Variants in MACROD2 observed in about 807,000 individuals in gnomAD.
MACROD2 encodes mono-ADP ribosylhydrolase 2, also known as ADP-ribose glycohydrolase MACROD2.
MACROD2 carries 36 observed loss-of-function variants against 70.4 expected under a neutral mutation model. That is an observed-to-expected ratio of 0.51 (90% CI 0.39 to 0.68). The LOEUF is 0.68. Ranked by LOEUF, MACROD2 falls within the 30% of genes least tolerant of loss-of-function variation. The probability of loss-of-function intolerance (pLI) is 0.00; values close to 1 mark genes in which losing one functional copy is unlikely to be tolerated. For missense variants in MACROD2, 496 were observed against 538.4 expected (o/e 0.92, Z 0.78); for synonymous variants, 172 against 178.8 (o/e 0.96, Z 0.30).
intron 4 of MACROD2, among the ~76,000 whole-genome samples, chr20:14,663,446 A>G (rs551960440): frequency 2.0e-5 from 3 of 152,000 alleles, no homozygotes; most frequent in Admixed American, 6.6e-5. Context: ...GTTTACCTAT[A>G]TAACAAACCT....
At position 15,412,943 on chromosome 20, in the gene MACROD2, G is replaced by T. The variant is rs1255482525; in HGVS notation, c.541-18462G>T. ...AATGTGCCCAAAGATGGTCATATCTGCATTGCTAATAATTTTCCAAAAATA... is the reference window on the plus strand; with the variant it reads ...AATGTGCCCAAAGATGGTCATATCTTCATTGCTAATAATTTTCCAAAAATA... On this transcript the variant is annotated intron_variant, in intron 6 of 17. Coordinates refer to ENST00000684519, the MANE Select transcript of MACROD2 (RefSeq NM_001351661.2). 5.9e-5 allele frequency among the ~76,000 whole-genome samples: 9 copies of T among 152,264 alleles called. No individual in the cohort carries two copies. The East Asian group carries it at 1.4e-3, about 23-fold the overall frequency.
Position 14,907,154 on chromosome 20 carries a change from C to T in MACROD2, c.418+222195C>T, listed in dbSNP as rs188512161. ...TGGAAGTTACCACTCTTTTGCATGGCAATAACCTGACAACCCAGAAGTTAC... is the reference window on the plus strand; with the variant it reads ...TGGAAGTTACCACTCTTTTGCATGGTAATAACCTGACAACCCAGAAGTTAC... On this transcript the variant is annotated intron_variant, in intron 5 of 17. Coordinates refer to ENST00000684519, the MANE Select transcript of MACROD2 (RefSeq NM_001351661.2). 1.0e-3 allele frequency among the ~76,000 whole-genome samples: 158 copies of T among 152,336 alleles called. 2 individuals carry two copies. Among genetic ancestry groups the T allele is most frequent in the African/African-American group, 3.5e-3 (144 of 41,586 alleles).
intron 5 of MACROD2, among the ~76,000 whole-genome samples, chr20:14,816,932 G>T (rs558952843): frequency 1.5e-3 from 223 of 151,930 alleles, no homozygotes; most frequent in African/African-American, 5.1e-3. Flanking sequence ...ACATAGAATC[G>T]AAATAAAACT....
At chr20:14,250,920 T>C (rs2082007345) in intron 3 of MACROD2, among the ~76,000 whole-genome samples, 1 of 152,162 alleles carries the variant, frequency 6.6e-6, no homozygotes, top group Non-Finnish European at 1.5e-5. Context: ...TTTTTTGTTA[T>C]GGTTCCTCAT....
At chr20:15,190,963 A>G (rs370913666) in intron 5 of MACROD2, among the ~76,000 whole-genome samples, 4 of 152,142 alleles carry the variant, frequency 2.6e-5, no homozygotes, top group African/African-American at 4.8e-5. Flanking sequence ...CTCATTTGCT[A>G]TCTCTAAGAA....
intron 5 of MACROD2, among the ~76,000 whole-genome samples, chr20:15,145,787 T>TA (rs2076225922): frequency 2.0e-5 from 3 of 152,086 alleles, no homozygotes; most frequent in African/African-American, 7.2e-5. Context: ...TTTTAATGTT[T>TA]AAAAATTTTA....
chr20:15,195,868 G>T (rs1477745856), intron 5 of MACROD2, among the ~76,000 whole-genome samples: 2 of 152,002 alleles, frequency 1.3e-5, no homozygotes, highest in Non-Finnish European at 2.9e-5. Context: ...AAGAAAATGT[G>T]GTACATATAC....
chr20:15,066,514 A>G (rs192121326), intron 5 of MACROD2, among the ~76,000 whole-genome samples: 31 of 152,274 alleles, frequency 2.0e-4, no homozygotes, highest in African/African-American at 7.0e-4. Context: ...AAATCAAGTC[A>G]TACGACAAAA....
At chr20:15,331,667 C>G (rs1282786577) in intron 6 of MACROD2, among the ~76,000 whole-genome samples, 1 of 151,648 alleles carries the variant, frequency 6.6e-6, no homozygotes, top group East Asian at 1.9e-4. Flanking sequence ...TCTTCCCAAC[C>G]AGACTTTCTT....
chr20:15,834,363 T>C (rs1372244264), intron 8 of MACROD2, among the ~76,000 whole-genome samples: 1 of 152,026 alleles, frequency 6.6e-6, no homozygotes, highest in African/African-American at 2.4e-5. Flanking sequence ...CAAAATAAAA[T>C]AAAATAACAC....
chr20:14,600,343 T>A (rs6110352), intron 4 of MACROD2, among the ~76,000 whole-genome samples: 1 of 130,200 alleles, frequency 7.7e-6, no homozygotes, highest in Non-Finnish European at 1.6e-5. Context: ...TATATATATA[T>A]ACACACACAC....
At chr20:14,448,605 A>G (rs2084210102) in intron 3 of MACROD2, among the ~76,000 whole-genome samples, 1 of 151,742 alleles carries the variant, frequency 6.6e-6, no homozygotes, top group Non-Finnish European at 1.5e-5. Flanking sequence ...TTAATCTGGG[A>G]GGCAGTGAGC....
At chr20:14,585,806 T>A (rs959222452) in intron 4 of MACROD2, among the ~76,000 whole-genome samples, 1 of 152,200 alleles carries the variant, frequency 6.6e-6, no homozygotes, top group Non-Finnish European at 1.5e-5. Flanking sequence ...AAAAGATTTA[T>A]GTTGATATTA....
At chr20:15,796,095 A>G (rs538422630) in intron 8 of MACROD2, among the ~76,000 whole-genome samples, 1 of 152,312 alleles carries the variant, frequency 6.6e-6, no homozygotes, top group African/African-American at 2.4e-5. Flanking sequence ...TGGAGACTGA[A>G]AGGGAAGCAA....
intron 6 of MACROD2, among the ~76,000 whole-genome samples, chr20:15,388,134 A>C (rs2045744702): frequency 6.6e-6 from 1 of 152,122 alleles, no homozygotes; most frequent in South Asian, 2.1e-4. Context: ...AGGAAGAGTA[A>C]GAGTAAGCCA....
At chr20:15,210,127 C>T (rs2076748700) in intron 5 of MACROD2, among the ~76,000 whole-genome samples, 1 of 152,150 alleles carries the variant, frequency 6.6e-6, no homozygotes, top group African/African-American at 2.4e-5. Context: ...TCACTGCTGT[C>T]AATTGACTAG....
At chr20:15,112,221 C>T (rs1003762235) in intron 5 of MACROD2, among the ~76,000 whole-genome samples, 7 of 152,066 alleles carry the variant, frequency 4.6e-5, no homozygotes, top group African/African-American at 1.2e-4. Context: ...AATCATTGCA[C>T]GGTTGATGTT....
At chr20:15,229,659 A>G (rs1387205493) in intron 5 of MACROD2, among the ~76,000 whole-genome samples, 1 of 152,314 alleles carries the variant, frequency 6.6e-6, no homozygotes, top group East Asian at 1.9e-4. Flanking sequence ...CACGTCTTAT[A>G]CTATAATCTG....
At chr20:15,009,626 T>C (rs530974048) in intron 5 of MACROD2, among the ~76,000 whole-genome samples, 1 of 152,308 alleles carries the variant, frequency 6.6e-6, no homozygotes, top group African/African-American at 2.4e-5. Flanking sequence ...TGGGTTTTTG[T>C]TGTAATTAAG....
Sources: gnomAD v4.1 joint callset for allele counts (sites outside exome capture counted in the v4.1 genomes callset) on GRCh38, gnomAD v4.1.1 for gene constraint, MANE v1.5 for transcripts, NCBI Gene and HGNC (gene_info 2026-07-23, HGNC 2026-07-21) for gene names.